TECPR2: variants seen among roughly 807,000 people sequenced by gnomAD.
The protein encoded by TECPR2 is tectonin beta-propeller repeat containing 2.
TECPR2 carries 65 observed loss-of-function variants against 138.1 expected under a neutral mutation model. The observed-to-expected ratio is 0.47, with a 90% confidence interval of 0.39 to 0.58. The LOEUF (loss-of-function observed/expected upper bound fraction) is 0.58. Ranked by LOEUF, TECPR2 falls within the 20% of genes least tolerant of loss-of-function variation. The pLI is 0.00. For synonymous variants in TECPR2, 746 were observed against 749.8 expected (o/e 0.99, Z 0.08); for missense variants, 1,553 against 1,824.5 (o/e 0.85, Z 2.71).
intron 17 of TECPR2, among the ~76,000 whole-genome samples, chr14:102,479,996 G>C (rs555837858): frequency 2.6e-5 from 4 of 152,208 alleles, no homozygotes; most frequent in African/African-American, 9.6e-5. Flanking sequence ...GCAATCAGAA[G>C]AACTTCAACT....
At chr14:102,429,958 T>TTTTTA (rs113494874) in intron 7 of TECPR2, among the ~76,000 whole-genome samples, 11 of 152,246 alleles carry the variant, frequency 7.2e-5, no homozygotes, top group African/African-American at 9.6e-5. Flanking sequence ...TTTTGTTTAA[T>TTTTTA]TTTTATTTTA....
chr14:102,405,114 C>T (rs188480384), intron 2 of TECPR2, among the ~76,000 whole-genome samples: 78 of 151,946 alleles, frequency 5.1e-4, no homozygotes, highest in Admixed American at 3.5e-3. Flanking sequence ...TTGAGACTAG[C>T]GGGGCCAACA....
In TECPR2 at chr14:102,428,924, C is replaced by T. The variant is rs186877819; in HGVS notation, c.1084+542C>T. 2.0e-3 allele frequency among the ~76,000 whole-genome samples: 300 copies of T among 151,672 alleles called. 1 individual carries two copies. The highest frequency in any genetic ancestry group is 6.9e-3 in the African/African-American group (287 of 41,330). Reference sequence around the variant, plus strand: ...GTGCAATGAGGCGATCTCAGCTCACCGCAACCTCTGCCTCCCAGGTTCAAG... The same window carrying T: ...GTGCAATGAGGCGATCTCAGCTCACTGCAACCTCTGCCTCCCAGGTTCAAG... On this transcript the variant is annotated intron_variant, in intron 7 of 19. Coordinates refer to ENST00000359520, the MANE Select transcript of TECPR2 (RefSeq NM_014844.5).
intron 1 of TECPR2, among the ~76,000 whole-genome samples, chr14:102,363,710 T>G (rs1464841730): frequency 6.6e-6 from 1 of 152,254 alleles, no homozygotes; most frequent in East Asian, 1.9e-4. Context: ...GGCCCCTTCC[T>G]AGCTCTGTGC....
At chr14:102,480,841 G>T (rs978047874) in intron 17 of TECPR2, among the ~76,000 whole-genome samples, 2 of 75,212 alleles carry the variant, frequency 2.7e-5, no homozygotes, top group African/African-American at 5.3e-5. Flanking sequence ...TTGGTTTTGG[G>T]TTTTTTTTTT....
At chr14:102,406,283 C>T (rs368422501) in intron 2 of TECPR2, among the ~76,000 whole-genome samples, 38 of 151,536 alleles carry the variant, frequency 2.5e-4, no homozygotes, top group South Asian at 1.3e-3. Flanking sequence ...GCATGGTGGC[C>T]CACACCTGTA....
At chr14:102,423,012 A>C (rs1309263244) in intron 5 of TECPR2, among the ~76,000 whole-genome samples, 1 of 152,252 alleles carries the variant, frequency 6.6e-6, no homozygotes, top group African/African-American at 2.4e-5. Flanking sequence ...AACAGTCATC[A>C]TTATGTTACA....
chr14:102,403,454 A>G (rs1888553061), intron 2 of TECPR2, among the ~76,000 whole-genome samples: 1 of 152,232 alleles, frequency 6.6e-6, no homozygotes, highest in African/African-American at 2.4e-5. Context: ...CTTTTCCTCT[A>G]AGATCAGAAA....
Position 102,498,036 on chromosome 14 carries a change from G to T in TECPR2, c.4082-67G>T. 2.5e-6 allele frequency: 4 copies of T among 1,571,194 alleles called. No homozygotes were observed. In the South Asian group the frequency reaches 3.5e-5, roughly 14 times the overall value. On this transcript the variant is annotated intron_variant, in intron 19 of 19. Coordinates refer to ENST00000359520, the MANE Select transcript of TECPR2 (RefSeq NM_014844.5). ...GCCCAGACCTGCGCCCAAGCTCCCA[G>T]CTCCATCTGTGCCCACCCCACAGGC...
At position 102,452,480 on chromosome 14, in the gene TECPR2, C is replaced by G; in HGVS notation, c.3493C>G (p.Leu1165Val). The change falls in exon 16 of 20, where the codon CTG becomes GTG. Residue 1165 changes from leucine (L) to valine (V), a missense_variant. By Grantham distance (32) the Leu-to-Val change is conservative. Coordinates refer to ENST00000359520, the MANE Select transcript of TECPR2 (RefSeq NM_014844.5). The stretch of plus-strand genomic sequence containing the variant: ...ACAGTCGCGGCCCTCCACGGTGCAG[C>G]TGCCTCCCGAAGCCGAGATGCGCGC... ...SAQSRPSTVQ[L>V]PPEAEMRAYA... The G allele has an allele frequency of 1.2e-6, 2 of 1,613,546 alleles. No homozygotes were observed. Among genetic ancestry groups the G allele is most frequent in the Non-Finnish European group, 1.7e-6 (2 of 1,179,964 alleles).
chr14:102,456,237 G>A (rs1890274405), intron 16 of TECPR2, among the ~76,000 whole-genome samples: 1 of 152,208 alleles, frequency 6.6e-6, no homozygotes, highest in Non-Finnish European at 1.5e-5. Context: ...GCTTTTGCTT[G>A]TGTTGCCCCA....
Position 102,449,657 on chromosome 14 carries a change from A to G in TECPR2, c.3104A>G (p.Asp1035Gly), listed in dbSNP as rs1060502181. The G allele has an allele frequency of 1.9e-6, 3 of 1,613,916 alleles. No homozygotes were observed. In the Admixed American group the frequency reaches 5.0e-5, roughly 27 times the overall value. Residue 1035 changes from aspartate (D) to glycine (G), a missense_variant, in exon 14 of 20, where the codon GAC becomes GGC. Asp to Gly is a moderately conservative substitution (Grantham distance 94, BLOSUM62 -1). Coordinates refer to ENST00000359520, the MANE Select transcript of TECPR2 (RefSeq NM_014844.5). ...QVSITDYVVF[D>G]QCSLFQTIIH... is the part of the protein sequence containing the mutation. ...AGCATCACGGACTATGTGGTGTTTG[A>G]CCAGTGCAGCTTATTTCAGACGATA...
At chr14:102,483,786 CTTTT>C (rs1890949571) in intron 17 of TECPR2, among the ~76,000 whole-genome samples, 1 of 109,392 alleles carries the variant, frequency 9.1e-6, no homozygotes, top group Non-Finnish European at 1.8e-5. Context: ...CCTCCTTTTC[CTTTT>C]CTTTTTTTTT....
chr14:102,394,239 A>C lies in TECPR2; in HGVS notation c.220-13099A>C, dbSNP rs181903622. 1.4e-4 allele frequency among the ~76,000 whole-genome samples: 22 copies of C among 152,264 alleles called. No individual in the cohort carries two copies. The East Asian group carries it at 4.1e-3, about 28-fold the overall frequency. On this transcript the variant is annotated intron_variant, in intron 2 of 19. Coordinates refer to ENST00000359520, the MANE Select transcript of TECPR2 (RefSeq NM_014844.5). The stretch of plus-strand genomic sequence containing the variant: ...CGGAGAAAGTATCGAGCACAGAGGC[A>C]GAACAGGGCCTCTGGAGAGTGTCAC...
At chr14:102,441,996 T>A (rs1050193497) in intron 11 of TECPR2, among the ~76,000 whole-genome samples, 9 of 152,188 alleles carry the variant, frequency 5.9e-5, no homozygotes, top group Non-Finnish European at 8.8e-5. Context: ...GTTGTTGTTT[T>A]GAGACGGAAT....
intron 2 of TECPR2, among the ~76,000 whole-genome samples, chr14:102,384,658 T>A (rs1887940960): frequency 6.9e-6 from 1 of 144,464 alleles, no homozygotes; most frequent in Non-Finnish European, 1.5e-5. Flanking sequence ...GCCTGGGTGA[T>A]GGAGCAAGAC....
At chr14:102,404,849 C>G (rs568873399) in intron 2 of TECPR2, among the ~76,000 whole-genome samples, 1 of 151,446 alleles carries the variant, frequency 6.6e-6, no homozygotes, top group Admixed American at 6.6e-5. Context: ...GCTGGGATTA[C>G]AGGTGTGAGC....
Position 102,363,114 on chromosome 14 carries a change from G to A in TECPR2, c.-75G>A. On this transcript the variant is annotated splice_region_variant and 5_prime_UTR_variant, in exon 1 of 20. Coordinates refer to ENST00000359520, the MANE Select transcript of TECPR2 (RefSeq NM_014844.5). ...GACGAGTCCGGAGGGGCTGCCGCGG[G>A]AGGTGAGTCCGGCGACGCCGCAAGC... The A allele has an allele frequency of 2.5e-6, 1 of 402,672 alleles. No individual in the cohort carries two copies. The highest frequency in any genetic ancestry group is 7.3e-5 in the South Asian group (1 of 13,654). 24.9% of individuals were successfully genotyped at this position (402,672 alleles called of 1,614,324 possible). A position where few individuals can be genotyped will look rare whatever the true frequency, so the allele number is the denominator to read the frequency against.
intron 3 of TECPR2, among the ~76,000 whole-genome samples, chr14:102,407,805 A>G (rs1239094093): frequency 1.3e-5 from 2 of 152,014 alleles, no homozygotes; most frequent in African/African-American, 4.8e-5. Flanking sequence ...GACCATCCTG[A>G]CTAACACAGT....
Sources: allele counts gnomAD v4.1 joint callset (sites outside exome capture counted in the v4.1 genomes callset), GRCh38; gene constraint gnomAD v4.1.1; transcripts MANE v1.5; gene names NCBI Gene and HGNC (gene_info 2026-07-23, HGNC 2026-07-21).